The following RPS6KA4 variants were observed in gnomAD, a reference collection of about 807,000 sequenced individuals.
The protein encoded by RPS6KA4 is ribosomal protein S6 kinase alpha-4.
A neutral mutation model predicts 89.6 loss-of-function variants in RPS6KA4; 38 were observed. The ratio of observed to expected loss-of-function variants is 0.42; its 90% confidence interval spans 0.33 to 0.56. The LOEUF (loss-of-function observed/expected upper bound fraction) is 0.56, where lower values mean the gene tolerates loss of function less well. RPS6KA4 is among the 20% of genes least tolerant of loss of function. The probability of loss-of-function intolerance (pLI) is 0.07; values close to 1 mark genes in which losing one functional copy is unlikely to be tolerated. For missense variants in RPS6KA4, 873 were observed against 1,098.8 expected (o/e 0.79, Z 2.90); for synonymous variants, 495 against 492.8 (o/e 1.00, Z -0.06).
At chr11:64,368,940 GT>G in intron 12 of RPS6KA4, 143 bp downstream of exon 12, 1 of 785,922 alleles carries the variant, frequency 1.3e-6, no homozygotes, top group Non-Finnish European at 2.0e-6. Context: ...GGCGCAGGGA[GT>G]GGAATTTGAG....
rs374802256 is a variant in RPS6KA4 at position 64,359,335 on chromosome 11, G to C, written c.56-43G>C. ...GCGGCTGCCCGGGGCAGGCCGGGAC[G>C]GGTCATGGACCGGCTGGGCTCATTC... On this transcript the variant is annotated intron_variant, in intron 1 of 16. Transcript: ENST00000334205. 8.8e-5 allele frequency: 141 copies of C among 1,609,448 alleles called. No individual in the cohort carries two copies. The African/African-American group carries it at 1.7e-3, about 19-fold the overall frequency.
chr11:64,368,415 A>G, intron 10 of RPS6KA4, 53 bp from the exon 11 acceptor site: 6 of 1,542,250 alleles, frequency 3.9e-6, no homozygotes, highest in South Asian at 1.2e-5. Flanking sequence ...CGGGGCTACC[A>G]GGTGGGACCT....
At chr11:64,365,515 G>T in intron 9 of RPS6KA4, 50 bp downstream of exon 9, 1 of 1,602,620 alleles carries the variant, frequency 6.2e-7, no homozygotes, top group Non-Finnish European at 8.5e-7. Flanking sequence ...AGATGTTGCT[G>T]TCTGCCTCAG....
intron 9 of RPS6KA4, among the ~76,000 whole-genome samples, chr11:64,367,900 A>G (rs1405517177): frequency 6.6e-6 from 1 of 152,112 alleles, no homozygotes; most frequent in African/African-American, 2.4e-5. Flanking sequence ...GGTCACTCTG[A>G]TGAGAAAGTT....
In RPS6KA4 at chr11:64,361,686, G is replaced by T; in HGVS notation, c.696G>T (p.Leu232=). The part of the protein sequence containing the change: ...WSLGILLFEL[L]TGASPFTLEG... ...TGGGCATCTTGCTCTTCGAGCTGCT[G>T]ACGGGGGCCTCGCCCTTCACCCTGG... The change falls in exon 7 of 17, where the codon CTG becomes CTT. Residue 232 remains leucine (L), a synonymous_variant. Transcript: ENST00000334205. The surrounding 1 kb of genome is among the most constrained non-coding windows in gnomAD (Gnocchi z 4.7). 6.2e-7 allele frequency: 1 copy of T among 1,612,604 alleles called. No individual in the cohort carries two copies. The highest frequency in any genetic ancestry group is 8.5e-7 in the Non-Finnish European group (1 of 1,179,790).
chr11:64,365,186 C>A, intron 8 of RPS6KA4, 115 bp from the exon 9 acceptor site: 1 of 1,265,726 alleles, frequency 7.9e-7, no homozygotes, highest in Non-Finnish European at 1.1e-6. Flanking sequence ...CTGCCCACCC[C>A]AAATGCCAGA....
Position 64,365,461 on chromosome 11 carries a change from T to G in RPS6KA4, c.1067T>G (p.Phe356Cys). 1 of 1,613,732 alleles carries G rather than the reference T, an allele frequency of 6.2e-7. No homozygotes were observed. Among genetic ancestry groups the G allele is most frequent in the Non-Finnish European group, 8.5e-7 (1 of 1,179,960 alleles). The change falls in exon 9 of 17, where the codon TTT becomes TGT. Residue 356 changes from phenylalanine (F) to cysteine (C), a missense_variant. This residue lies in a region of RPS6KA4 where 542 missense variants were observed against 736.4 expected (regional missense o/e 0.74). Transcript: ENST00000334205. ...GSPPPGDPRI[F>C]QGYSFVAPSI... ...CCCCCACCTGGGGACCCCCGAATCT[T>G]TCAGGTGAGGGGAAACTCATGGAAC...
At position 64,361,894 on chromosome 11, in the gene RPS6KA4, G is replaced by T. The variant is rs1432363148; in HGVS notation, c.798G>T (p.Gly266=). 2 of 1,612,966 alleles carry T rather than the reference G, an allele frequency of 1.2e-6. No homozygotes were observed. The highest frequency in any genetic ancestry group is 4.5e-5 in the East Asian group (2 of 44,874). ...CCCCTCCCTTCCCCCCTCGGATCGG[G>T]CCCGTGGCGCAGGACCTGCTGCAGC... ...KCSPPFPPRI[G]PVAQDLLQRL... The change falls in exon 8 of 17, where the codon GGG becomes GGT. Residue 266 remains glycine, a synonymous_variant. Coordinates refer to ENST00000334205, the MANE Select transcript of RPS6KA4 (RefSeq NM_003942.3). The surrounding 1 kb of genome is among the most constrained non-coding windows in gnomAD (Gnocchi z 4.7).
intron 9 of RPS6KA4, among the ~76,000 whole-genome samples, 178 bp from the exon 10 acceptor site, chr11:64,367,954 T>C (rs2036928562): frequency 6.6e-6 from 1 of 152,146 alleles, no homozygotes; most frequent in African/African-American, 2.4e-5. Context: ...CAAGTGATTA[T>C]AAAACCAGGT....
rs1456204310 is a variant in RPS6KA4 at position 64,372,086 on chromosome 11, T to C, written c.*606T>C. 2.0e-5 allele frequency: 3 copies of C among 152,666 alleles called. No homozygotes were observed. The highest frequency in any genetic ancestry group is 4.4e-5 in the Non-Finnish European group (3 of 68,050). 9.5% of individuals were successfully genotyped at this position (152,666 alleles called of 1,614,324 possible). A position where few individuals can be genotyped will look rare whatever the true frequency, so the allele number is the denominator to read the frequency against. ...ATCTTCTCACCCACCCCTTCCTCTT[T>C]GGCACAGCTACTCCTGGCTGGGGGT... On this transcript the variant is annotated 3_prime_UTR_variant, in exon 17 of 17. Coordinates refer to ENST00000334205, the MANE Select transcript of RPS6KA4 (RefSeq NM_003942.3).
chr11:64,368,806 T>C lies in RPS6KA4; in HGVS notation c.1428+9T>C, dbSNP rs1453343328. ...AGGTGCATCACGACCAGGTGATGGC[T>C]TCCGGCCAGGGGAGGGCGGAGAGAA... On this transcript the variant is annotated intron_variant, in intron 12 of 16. Coordinates refer to ENST00000334205, the MANE Select transcript of RPS6KA4 (RefSeq NM_003942.3). 1.9e-6 allele frequency: 3 copies of C among 1,558,208 alleles called. No individual in the cohort carries two copies. The highest frequency in any genetic ancestry group is 2.4e-5 in the South Asian group (2 of 84,742).
In RPS6KA4 at chr11:64,361,698, G is replaced by C. The variant is rs749809172; in HGVS notation, c.708G>C (p.Ser236=). 2 of 1,612,052 alleles carry C rather than the reference G, an allele frequency of 1.2e-6. No homozygotes were observed. Among genetic ancestry groups the C allele is most frequent in the Non-Finnish European group, 1.7e-6 (2 of 1,179,622 alleles). Residue 236 remains serine (S), a synonymous_variant, in exon 7 of 17, where the codon TCG becomes TCC. Coordinates refer to ENST00000334205, the MANE Select transcript of RPS6KA4 (RefSeq NM_003942.3). The surrounding 1 kb of genome is among the most constrained non-coding windows in gnomAD (Gnocchi z 4.7). ...TCTTCGAGCTGCTGACGGGGGCCTC[G>C]CCCTTCACCCTGGAGGGCGAGAGGA... ...ILLFELLTGA[S]PFTLEGERNT...
intron 9 of RPS6KA4, among the ~76,000 whole-genome samples, chr11:64,365,726 G>A (rs1018913001): frequency 6.6e-6 from 1 of 152,144 alleles, no homozygotes; most frequent in Non-Finnish European, 1.5e-5. Context: ...TTATTGTTAT[G>A]TAAAAATATT....
chr11:64,371,392 G>T lies in RPS6KA4; in HGVS notation c.2231G>T (p.Gly744Val). 2 of 1,611,840 alleles carry T rather than the reference G, an allele frequency of 1.2e-6. No homozygotes were observed. Among genetic ancestry groups the T allele is most frequent in the Non-Finnish European group, 1.7e-6 (2 of 1,179,510 alleles). Residue 744 changes from glycine (G) to valine (V), a missense_variant, in exon 17 of 17, where the codon GGC (glycine) becomes GTC (valine). Physicochemically the swap from Gly to Val is moderately radical, Grantham distance 109. Around this residue, in one of 4 missense-constraint regions of RPS6KA4, gnomAD observed 278 missense variants for 284.8 expected, o/e 0.98. Coordinates refer to ENST00000334205, the MANE Select transcript of RPS6KA4 (RefSeq NM_003942.3). ...KLRSATASRR[G>V]SPAPANPGRA... ...CGGAGCGCCACCGCCTCCCGCCGGG[G>T]CTCCCCTGCACCAGCCAACCCGGGC...
intron 16 of RPS6KA4, among the ~76,000 whole-genome samples, 190 bp from the exon 17 acceptor site, chr11:64,371,093 G>A: frequency 8.3e-6 from 1 of 120,042 alleles, no homozygotes; most frequent in African/African-American, 3.2e-5. Context: ...GACAGAGGGA[G>A]ACTCCGTCAA....
Position 64,370,775 on chromosome 11 carries a change from G to A in RPS6KA4, c.2121+49G>A, listed in dbSNP as rs1441908164. On this transcript the variant is annotated intron_variant, in intron 16 of 16. Coordinates refer to ENST00000334205, the MANE Select transcript of RPS6KA4 (RefSeq NM_003942.3). The surrounding 1 kb of genome is among the most constrained non-coding windows in gnomAD (Gnocchi z 4.1). Reference sequence around the variant, plus strand: ...GGAAGGGGTGGGCGAAGCCTCGAGAGGTGGGGTCTGGGGAGGCCCGGCCAT... The same window carrying A: ...GGAAGGGGTGGGCGAAGCCTCGAGAAGTGGGGTCTGGGGAGGCCCGGCCAT... 2.7e-6 allele frequency: 4 copies of A among 1,472,476 alleles called. No individual in the cohort carries two copies. In the East Asian group the frequency reaches 9.7e-5, roughly 36 times the overall value. 91.2% of individuals were successfully genotyped at this position (1,472,476 alleles called of 1,614,324 possible). A position where few individuals can be genotyped will look rare whatever the true frequency, so the allele number is the denominator to read the frequency against.
At chr11:64,365,229 G>A (rs939066208) in intron 8 of RPS6KA4, 72 bp from the exon 9 acceptor site, 64 of 1,540,390 alleles carry the variant, frequency 4.2e-5, no homozygotes, top group African/African-American at 5.5e-5. Flanking sequence ...ACTGCCCAGT[G>A]AGGGTGGGCT....
rs951024884 is a variant in RPS6KA4 at position 64,365,425 on chromosome 11, C to T, written c.1031C>T (p.Pro344Leu). 2 of 1,613,898 alleles carry T rather than the reference C, an allele frequency of 1.2e-6. No individual in the cohort carries two copies. Among genetic ancestry groups the T allele is most frequent in the Non-Finnish European group, 1.7e-6 (2 of 1,180,014 alleles). The change falls in exon 9 of 17, where the codon CCC becomes CTC. Residue 344 changes from proline (P) to leucine (L), a missense_variant. Physicochemically the swap from Pro to Leu is moderately conservative, Grantham distance 98. This residue lies in a region of RPS6KA4 where 542 missense variants were observed against 736.4 expected (regional missense o/e 0.74). Coordinates refer to ENST00000334205, the MANE Select transcript of RPS6KA4 (RefSeq NM_003942.3). The stretch of plus-strand genomic sequence containing the variant: ...ACTCGGCTGGAGCCTGTCTACTCAC[C>T]CCCTGGCAGCCCCCCACCTGGGGAC... ...EFTRLEPVYS[P>L]PGSPPPGDPR...
At chr11:64,368,387 TG>T in intron 10 of RPS6KA4, 80 bp from the exon 11 acceptor site, 1 of 1,542,352 alleles carries the variant, frequency 6.5e-7, no homozygotes, top group Non-Finnish European at 8.7e-7. Context: ...CTCTCCGACA[TG>T]GGGCGTGGCG....
Sources: allele counts gnomAD v4.1 joint callset (sites outside exome capture counted in the v4.1 genomes callset), GRCh38; gene constraint gnomAD v4.1.1; regional missense constraint gnomAD v4.1.1; non-coding constraint Gnocchi (gnomAD v3.1); transcripts MANE v1.5; gene names NCBI Gene and HGNC (gene_info 2026-07-23, HGNC 2026-07-21).